TTN: variants seen among roughly 807,000 people sequenced by gnomAD.
The protein encoded by TTN is titin, also known as connectin.
Under a neutral mutation model 3,223.0 loss-of-function variants are expected in TTN, and 1,525 were observed. The observed-to-expected ratio is 0.47, with a 90% CI of 0.45 to 0.49. The LOEUF is 0.49. Among genes scored for constraint, TTN ranks in the 20% least tolerant of loss-of-function variants. The pLI, the probability that TTN is intolerant of heterozygous loss-of-function variation, is 0.00. For synonymous variants in TTN, 14,094 were observed against 15,161.0 expected, an observed-to-expected ratio of 0.93 and a Z score of 5.17; for missense variants, 40,786 against 43,424.0, an observed-to-expected ratio of 0.94 and a Z score of 5.40.
In TTN at chr2:178,720,937, T is replaced by C. The variant is rs2154300967; in HGVS notation, c.23082A>G (p.Thr7694=). The C allele has an allele frequency of 7.5e-6, 12 of 1,595,028 alleles. No individual in the cohort carries two copies. Among genetic ancestry groups the C allele is most frequent in the Non-Finnish European group, 1.0e-5 (12 of 1,165,688 alleles). ...HNGVGDASCS[T]ALTVKAPPVF... ...GTGTCTAACCTTTCACTGTCAACGCTGTGCTGCAGCTGGCGTCACCAACAC... is the reference window on the plus strand; with the variant it reads ...GTGTCTAACCTTTCACTGTCAACGCCGTGCTGCAGCTGGCGTCACCAACAC... Residue 7694 remains threonine (T), a synonymous_variant, in exon 79 of 363, where the codon ACA becomes ACG. Transcript: ENST00000589042.
rs763317642 is a variant in TTN at position 178,706,737 on chromosome 2, T to C, written c.29137A>G (p.Thr9713Ala). The part of the protein sequence containing the change: ...EPQSIRVVEK[T>A]TATFIAKVGG... The stretch of plus-strand genomic sequence containing the variant: ...ACTTTTGCAATGAAGGTCGCAGTGG[T>C]TTCTAAGGAATAATGAAAACAAGTG... The change falls in exon 102 of 363, where the codon ACC (threonine) becomes GCC (alanine). Residue 9713 changes from threonine (T) to alanine (A), a missense_variant and splice_region_variant. By Grantham distance (58) the Thr-to-Ala change is moderately conservative. Coordinates refer to ENST00000589042, the MANE Select transcript of TTN (RefSeq NM_001267550.2). 6.2e-7 allele frequency: 1 copy of C among 1,606,316 alleles called. No homozygotes were observed. Among genetic ancestry groups the C allele is most frequent in the South Asian group, 1.1e-5 (1 of 89,274 alleles).
rs904228001 is a variant in TTN, at chr2:178,667,494, T to A, written c.35661A>T (p.Glu11887Asp). ...VPEPPKKVVP[E>D]DKIYVTIPKK... ...TAGGAATAGTCACATATATTTTGTCTTCTGGAACAACTTTCTTGGGTGGCT... is the reference window on the plus strand; with the variant it reads ...TAGGAATAGTCACATATATTTTGTCATCTGGAACAACTTTCTTGGGTGGCT... The change falls in exon 161 of 363, where the codon GAA (glutamate) becomes GAT (aspartate). Residue 11887 changes from glutamate to aspartate, a missense_variant. Coordinates refer to ENST00000589042, the MANE Select transcript of TTN (RefSeq NM_001267550.2). 1 of 1,598,842 alleles carries A rather than the reference T, an allele frequency of 6.3e-7. No homozygotes were observed.
chr2:178,599,892 T>C (rs1424731631), intron 288 of TTN, 42 bp from the exon 289 acceptor site: 2 of 1,508,226 alleles, frequency 1.3e-6, no homozygotes, highest in Admixed American at 2.3e-5. Context: ...GCAAAAAGCA[T>C]TGAGGGATAG....
chr2:178,712,259 A>G, intron 95 of TTN, 37 bp from the exon 96 acceptor site: 1 of 1,609,068 alleles, frequency 6.2e-7, no homozygotes, highest in Middle Eastern at 1.7e-4. Context: ...GTCATGAAGG[A>G]GACATGCCAG....
chr2:178,755,445 T>TC (rs2154334283), intron 46 of TTN, among the ~76,000 whole-genome samples: 1 of 152,290 alleles, frequency 6.6e-6, no homozygotes, highest in African/African-American at 2.4e-5. Flanking sequence ...TTTCTATTTT[T>TC]CTTTTTTGGA....
In TTN at chr2:178,612,798, G is replaced by GTCACTGGGT; in HGVS notation, c.49914_49922dup (p.Glu16638_Ser16640dup). The GTCACTGGGT allele has an allele frequency of 2.5e-6, 4 of 1,612,062 alleles. No homozygotes were observed. Among genetic ancestry groups the GTCACTGGGT allele is most frequent in the Non-Finnish European group, 2.5e-6 (3 of 1,179,024 alleles). On this transcript the variant is annotated inframe_insertion, in exon 265 of 363. Coordinates refer to ENST00000589042, the MANE Select transcript of TTN (RefSeq NM_001267550.2). ...ATAGCTTCTCCCGGCAAAGCACAGG[G>GTCACTGGGT]TCACTGGGTTCACTGGGTTCACTTT...
chr2:178,562,498 A>G lies in TTN; in HGVS notation c.83634T>C (p.Asn27878=), dbSNP rs1704063413. ...GRVTLVDVTR[N]TATIKWEKPE... The stretch of plus-strand genomic sequence containing the variant: ...GTTTCTCCCACTTAATTGTAGCTGT[A>G]TTACGGGTCACATCAACAAGAGTTA... Residue 27878 remains asparagine (N), a synonymous_variant, in exon 326 of 363, where the codon AAT becomes AAC. Transcript: ENST00000589042. 2 of 1,612,880 alleles carry G rather than the reference A, an allele frequency of 1.2e-6. No homozygotes were observed. Among genetic ancestry groups the G allele is most frequent in the African/African-American group, 2.7e-5 (2 of 74,854 alleles).
rs2093550855 is a variant in TTN, at chr2:178,792,279, G to T, written c.1537-82C>A. 7 of 1,381,630 alleles carry T rather than the reference G, an allele frequency of 5.1e-6. 1 individual carries two copies. The highest frequency in any genetic ancestry group is 4.4e-5 in the African/African-American group (3 of 68,584). 85.6% of individuals were successfully genotyped at this position (1,381,630 alleles called of 1,614,324 possible). ...GGTGTTTATTAAATATAACAACATA[G>T]GAATTTGAAGATGTAAAATCCCTTT... On this transcript the variant is annotated intron_variant, in intron 9 of 362. Transcript: ENST00000589042.
At position 178,578,133 on chromosome 2, in the gene TTN, G is replaced by T. The variant is rs528503786; in HGVS notation, c.68382C>A (p.Asn22794Lys). ...AGTCTCTCATCCTTATCGGAGTCTT[G>T]TTAGCTCTCTTCCACAAAAGGCTGT... The part of the protein sequence containing the change: ...ERNSLLWKRA[N>K]KTPIRMRDFK... Residue 22794 changes from asparagine to lysine, a missense_variant, in exon 322 of 363, where the codon AAC (asparagine) becomes AAA (lysine). Coordinates refer to ENST00000589042, the MANE Select transcript of TTN (RefSeq NM_001267550.2). 6.2e-7 allele frequency: 1 copy of T among 1,612,996 alleles called. No individual in the cohort carries two copies. The highest frequency in any genetic ancestry group is 1.3e-5 in the African/African-American group (1 of 74,860).
chr2:178,743,248 G>T (rs11902672), intron 47 of TTN, among the ~76,000 whole-genome samples: 3,285 of 151,988 alleles, frequency 0.022, 126 homozygotes, highest in African/African-American at 0.075. Flanking sequence ...AACTTGAAAG[G>T]CATAGTTTAA....
chr2:178,716,482 T>C (rs1185875137), intron 88 of TTN, among the ~76,000 whole-genome samples: 2 of 152,184 alleles, frequency 1.3e-5, no homozygotes, highest in Non-Finnish European at 2.9e-5. Flanking sequence ...AATACTCTAA[T>C]GGACTAGACT....
intron 47 of TTN, chr2:178,748,328 C>A: frequency 6.2e-7 from 1 of 1,612,964 alleles, no homozygotes; most frequent in Non-Finnish European, 8.5e-7. Context: ...ATCAATACTA[C>A]TTTTCTCCAC....
rs778339438 is a variant in TTN, at chr2:178,728,650, C to A, written c.19276G>T (p.Val6426Phe). The A allele has an allele frequency of 1.1e-5, 17 of 1,613,350 alleles. No homozygotes were observed. Among genetic ancestry groups the A allele is most frequent in the Non-Finnish European group, 1.4e-5 (17 of 1,179,576 alleles). Residue 6426 changes from valine to phenylalanine, a missense_variant, in exon 66 of 363, where the codon GTT becomes TTT. By Grantham distance (50) the Val-to-Phe change is conservative. Coordinates refer to ENST00000589042, the MANE Select transcript of TTN (RefSeq NM_001267550.2). ...VKWLKDGKQI[V>F]PSRYFSMSFE... ...CTCATTGAAAAGTATCTACTGGGAACTATTTGTTTCCCGTCTTTAAGCCAT... is the reference window on the plus strand; with the variant it reads ...CTCATTGAAAAGTATCTACTGGGAAATATTTGTTTCCCGTCTTTAAGCCAT...
At position 178,542,340 on chromosome 2, in the gene TTN, G is replaced by A. The variant is rs756942181; in HGVS notation, c.97416C>T (p.Phe32472=). The A allele has an allele frequency of 3.7e-6, 6 of 1,613,288 alleles. No individual in the cohort carries two copies. Among genetic ancestry groups the A allele is most frequent in the Non-Finnish European group, 5.1e-6 (6 of 1,179,636 alleles). ...CGAAGCGGTTTGTTGCAGCCACACGGAACACATACTCATTTCCTTCGGTGA... is the reference window on the plus strand; with the variant it reads ...CGAAGCGGTTTGTTGCAGCCACACGAAACACATACTCATTTCCTTCGGTGA... ...TRLTEGNEYV[F]RVAATNRFGI... Residue 32472 remains phenylalanine (F), a synonymous_variant, in exon 349 of 363, where the codon TTC becomes TTT. Transcript: ENST00000589042.
At chr2:178,714,675 T>C in intron 90 of TTN, 102 bp from the exon 91 acceptor site, 2 of 1,336,576 alleles carry the variant, frequency 1.5e-6, no homozygotes, top group South Asian at 1.6e-5. Flanking sequence ...TAATGTGTTA[T>C]TTCCATTTAA....
In TTN at chr2:178,561,710, C is replaced by G. The variant is rs748707866; in HGVS notation, c.84422G>C (p.Ser28141Thr). The change falls in exon 326 of 363, where the codon AGT (serine) becomes ACT (threonine). Residue 28141 changes from serine (S) to threonine (T), a missense_variant. Ser to Thr is a moderately conservative substitution (Grantham distance 58, BLOSUM62 1). Transcript: ENST00000589042. ...CTCTGCAACAACAGCTGAAGATTCA[C>G]TGTAGGAGCTCTTTCCATAGCGGTT... ...AENRYGKSSY[S>T]ESSAVVAEYP... 2.5e-6 allele frequency: 4 copies of G among 1,610,276 alleles called. No homozygotes were observed. In the East Asian group the frequency reaches 8.9e-5, roughly 36 times the overall value.
chr2:178,619,378 G>A (rs1010910398), intron 250 of TTN: 6 of 548,872 alleles, frequency 1.1e-5, no homozygotes, highest in Non-Finnish European at 1.3e-5. Context: ...TGTAGCCTAA[G>A]TTCATAAATA....
rs1242276910 is a variant in TTN at position 178,579,577 on chromosome 2, C to T, written c.67620G>A (p.Val22540=). 10 of 1,613,220 alleles carry T rather than the reference C, an allele frequency of 6.2e-6. No homozygotes were observed. The highest frequency in any genetic ancestry group is 1.1e-5 in the South Asian group (1 of 91,064). Residue 22540 remains valine (V), a synonymous_variant, in exon 319 of 363, where the codon GTG becomes GTA. Transcript: ENST00000589042. ...GAGCCTTACCAACATCATCCCTTGC[C>T]ACAACAGTGATTTCGCTTGGGGTTC... is the stretch of plus-strand genomic sequence containing the variant. ...GEGTPSEITV[V]ARDDVVAPDL... is the part of the protein sequence containing the mutation.
rs1371747838 is a variant in TTN, at chr2:178,725,869, A to G, written c.20453T>C (p.Ile6818Thr). 1.2e-6 allele frequency: 2 copies of G among 1,613,288 alleles called. No individual in the cohort carries two copies. Among genetic ancestry groups the G allele is most frequent in the Admixed American group, 1.7e-5 (1 of 59,948 alleles). Residue 6818 changes from isoleucine to threonine, a missense_variant, in exon 70 of 363, where the codon ATT becomes ACT. Ile to Thr is a moderately conservative substitution (Grantham distance 89). Coordinates refer to ENST00000589042, the MANE Select transcript of TTN (RefSeq NM_001267550.2). ...TGAAGTGTCCACATTGAGAATGTGAATACTTGTGTGGAAGTTTTTGGATGC... is the reference window on the plus strand; with the variant it reads ...TGAAGTGTCCACATTGAGAATGTGAGTACTTGTGTGGAAGTTTTTGGATGC... ...KIASKNFHTS[I>T]HILNVDTSDI...
Sources: allele counts gnomAD v4.1 joint callset (sites outside exome capture counted in the v4.1 genomes callset), GRCh38; gene constraint gnomAD v4.1.1; transcripts MANE v1.5; gene names NCBI Gene and HGNC (gene_info 2026-07-23, HGNC 2026-07-21).